Variants in MAPK10 observed in about 807,000 individuals in gnomAD.
MAPK10 encodes mitogen-activated protein kinase 10, also known as JNK3 alpha protein kinase.
Under a neutral mutation model 59.3 loss-of-function variants are expected in MAPK10, and 25 were observed. The observed-to-expected ratio is 0.42, with a 90% confidence interval of 0.31 to 0.59. The LOEUF is 0.59. Among genes scored for constraint, MAPK10 ranks in the 20% least tolerant of loss-of-function variants. The pLI is 0.15. For missense variants in MAPK10, 351 were observed against 568.9 expected (o/e 0.62, Z 3.90); for synonymous variants, 190 against 200.5 (o/e 0.95, Z 0.44).
intron 1 of MAPK10, among the ~76,000 whole-genome samples, chr4:86,586,094 G>C (rs759079451): frequency 6.6e-5 from 10 of 152,186 alleles, no homozygotes; most frequent in Non-Finnish European, 1.2e-4. Context: ...GTCAGGATTA[G>C]AGCATATTCA....
intron 1 of MAPK10, among the ~76,000 whole-genome samples, chr4:86,521,359 C>G (rs1253961048): frequency 6.6e-6 from 1 of 152,188 alleles, no homozygotes; most frequent in Non-Finnish European, 1.5e-5. Context: ...GAGCATAGAG[C>G]TCCCAAGAGT....
At chr4:86,556,353 G>C (rs142779670) in intron 1 of MAPK10, among the ~76,000 whole-genome samples, 1 of 152,054 alleles carries the variant, frequency 6.6e-6, no homozygotes, top group African/African-American at 2.4e-5. Context: ...ATACATCTTT[G>C]TTGAATTTTA....
upstream of MAPK10, among the ~76,000 whole-genome samples, chr4:86,456,853 A>C (rs1751282895): frequency 6.6e-6 from 1 of 152,136 alleles, no homozygotes; most frequent in African/African-American, 2.4e-5. Context: ...GGACATAACC[A>C]AAAAAGACAA....
intron 1 of MAPK10, among the ~76,000 whole-genome samples, chr4:86,503,652 G>A (rs750015374): frequency 5.4e-4 from 82 of 152,140 alleles, no homozygotes; most frequent in Non-Finnish European, 8.2e-4. Flanking sequence ...TTGCTTCAAC[G>A]CTTACCTAAT....
chr4:86,256,742 T>C (rs60233372), intron 2 of MAPK10, among the ~76,000 whole-genome samples: 14,889 of 132,092 alleles, frequency 0.11, 867 homozygotes, highest in Middle Eastern at 0.14. Flanking sequence ...TTCTTTTTTT[T>C]TTTTTTTTTT....
chr4:86,550,667 C>A (rs1036057714), intron 1 of MAPK10, among the ~76,000 whole-genome samples: 2 of 152,156 alleles, frequency 1.3e-5, no homozygotes, highest in Admixed American at 1.3e-4. Flanking sequence ...CATGCCATTG[C>A]ACCCCAGCCT....
At chr4:86,186,161 A>G (rs1403722519) in intron 3 of MAPK10, among the ~76,000 whole-genome samples, 1 of 152,158 alleles carries the variant, frequency 6.6e-6, no homozygotes, top group Non-Finnish European at 1.5e-5. Context: ...TAACAAGCCT[A>G]AAATATAGGT....
At chr4:86,385,377 G>A (rs1345904079) in intron 1 of MAPK10, among the ~76,000 whole-genome samples, 1 of 152,034 alleles carries the variant, frequency 6.6e-6, no homozygotes, top group Non-Finnish European at 1.5e-5. Flanking sequence ...CATTAGAAAT[G>A]GCATAACCTT....
At chr4:86,077,292 A>G (rs545831817) in intron 9 of MAPK10, among the ~76,000 whole-genome samples, 1 of 152,336 alleles carries the variant, frequency 6.6e-6, no homozygotes, top group Admixed American at 6.5e-5. Flanking sequence ...CAATTAGCTA[A>G]TAACTTATAT....
At chr4:86,394,889 G>A (rs1742709159) in intron 1 of MAPK10, among the ~76,000 whole-genome samples, 1 of 152,154 alleles carries the variant, frequency 6.6e-6, no homozygotes, top group African/African-American at 2.4e-5. Context: ...CAAAGGTTCT[G>A]GGCCACCCCC....
chr4:86,135,301 A>C (rs1457679194), intron 4 of MAPK10, among the ~76,000 whole-genome samples: 1 of 152,212 alleles, frequency 6.6e-6, no homozygotes, highest in South Asian at 2.1e-4. Flanking sequence ...ACAGCTTTGA[A>C]GAGAGCAGTG....
At chr4:86,435,944 T>C (rs1374871966) in intron 1 of MAPK10, among the ~76,000 whole-genome samples, 1 of 152,200 alleles carries the variant, frequency 6.6e-6, no homozygotes, top group Non-Finnish European at 1.5e-5. Flanking sequence ...AAAGTCAATA[T>C]CTAACCACAA....
intron 2 of MAPK10, among the ~76,000 whole-genome samples, chr4:86,227,314 C>T (rs1229230260): frequency 2.0e-5 from 3 of 151,780 alleles, no homozygotes; most frequent in African/African-American, 2.4e-5. Flanking sequence ...GGTGAAATCC[C>T]GTCTCCACTA....
intron 2 of MAPK10, among the ~76,000 whole-genome samples, chr4:86,259,858 C>T (rs1163760372): frequency 6.6e-6 from 1 of 152,062 alleles, no homozygotes; most frequent in Non-Finnish European, 1.5e-5. Context: ...TATAATTAAA[C>T]TATGTTATCT....
intron 1 of MAPK10, among the ~76,000 whole-genome samples, chr4:86,403,958 C>T (rs115089050): frequency 2.0e-5 from 3 of 152,074 alleles, no homozygotes; most frequent in Non-Finnish European, 2.9e-5. Context: ...CTCCCCCTTC[C>T]GATCTCCTTG....
chr4:86,358,185 A>G, intron 1 of MAPK10: 1 of 983,218 alleles, frequency 1.0e-6, no homozygotes, highest in Non-Finnish European at 1.2e-6. Context: ...TATTTGTTAT[A>G]TATTTGTAAC....
intron 9 of MAPK10, 59 bp from the exon 10 acceptor site, chr4:86,068,014 G>A (rs2047071614): frequency 1.7e-6 from 2 of 1,164,894 alleles, no homozygotes; most frequent in Non-Finnish European, 2.4e-6. Context: ...TTCAACAATT[G>A]GGAGACTAAC....
intron 1 of MAPK10, among the ~76,000 whole-genome samples, chr4:86,502,891 CT>C (rs1226047389): frequency 3.3e-5 from 5 of 152,028 alleles, no homozygotes; most frequent in Admixed American, 2.6e-4. Context: ...AAATAACAGA[CT>C]TTTTTGTGAG....
chr4:86,544,750 G>A (rs1759008152), intron 1 of MAPK10, among the ~76,000 whole-genome samples: 1 of 152,200 alleles, frequency 6.6e-6, no homozygotes, highest in Non-Finnish European at 1.5e-5. Context: ...TAGTTGTATT[G>A]AATATTGAAA....
Sources: allele counts gnomAD v4.1 joint callset (sites outside exome capture counted in the v4.1 genomes callset), GRCh38; gene constraint gnomAD v4.1.1; transcripts MANE v1.5; gene names NCBI Gene and HGNC (gene_info 2026-07-23, HGNC 2026-07-21).